The following TENM2 variants were observed in gnomAD, a reference collection of about 807,000 sequenced individuals.
The protein encoded by TENM2 is teneurin-2.
A neutral mutation model predicts 245.2 loss-of-function variants in TENM2; 52 were observed. That is an observed-to-expected ratio of 0.21 (90% confidence interval 0.17 to 0.27). The LOEUF is 0.27. TENM2 is among the 10% of genes least tolerant of loss of function. The pLI, the probability that TENM2 is intolerant of heterozygous loss-of-function variation, is 1.00. For missense variants in TENM2, 3,046 were observed against 3,666.8 expected, an observed-to-expected ratio of 0.83 and a Z score of 4.37; for synonymous variants, 1,363 against 1,438.9, an observed-to-expected ratio of 0.95 and a Z score of 1.19.
intron 2 of TENM2, among the ~76,000 whole-genome samples, chr5:167,796,124 G>A (rs921243005): frequency 6.6e-5 from 10 of 152,154 alleles, no homozygotes; most frequent in African/African-American, 2.4e-4. Flanking sequence ...GGTTGGTTTT[G>A]TCTCCACTGA....
chr5:167,043,621 T>C, the TENM2 span, among the ~76,000 whole-genome samples: 3 of 152,282 alleles, frequency 2.0e-5, no homozygotes, highest in African/African-American at 4.8e-5. Flanking sequence ...AGGAAAGTGG[T>C]GGACGAATTT....
At chr5:168,077,696 C>A (rs928679984) in intron 7 of TENM2, among the ~76,000 whole-genome samples, 2 of 152,038 alleles carry the variant, frequency 1.3e-5, no homozygotes, top group African/African-American at 4.8e-5. Context: ...TCTGTCCTTG[C>A]GATAGTTTGC....
intron 1 of TENM2, among the ~76,000 whole-genome samples, chr5:167,336,200 T>TTC (rs1561871995): frequency 6.8e-6 from 1 of 147,838 alleles, no homozygotes; most frequent in African/African-American, 2.5e-5. Context: ...TTTTTTTTTT[T>TTC]CCGGTCAGGG....
chr5:167,579,753 C>T (rs1014731533), intron 2 of TENM2, among the ~76,000 whole-genome samples: 1 of 152,172 alleles, frequency 6.6e-6, no homozygotes, highest in African/African-American at 2.4e-5. Context: ...AGACAGTTTA[C>T]CTCTCTGCCC....
chr5:167,244,445 A>C, the TENM2 span, among the ~76,000 whole-genome samples: 1 of 152,206 alleles, frequency 6.6e-6, no homozygotes, highest in Non-Finnish European at 1.5e-5. Context: ...ACAATGTGGA[A>C]ATGCAGTTTT....
intron 2 of TENM2, among the ~76,000 whole-genome samples, chr5:167,426,871 C>G (rs1763857035): frequency 6.6e-6 from 1 of 152,020 alleles, no homozygotes; most frequent in African/African-American, 2.4e-5. Context: ...AATTGATCAT[C>G]TCAAACATTA....
At chr5:168,036,910 C>T (rs1467279047) in intron 5 of TENM2, among the ~76,000 whole-genome samples, 1 of 151,820 alleles carries the variant, frequency 6.6e-6, no homozygotes, top group Non-Finnish European at 1.5e-5. Context: ...CTCCCCCACC[C>T]CACCCCAGAT....
chr5:168,180,697 A>G (rs1310972508), intron 13 of TENM2, among the ~76,000 whole-genome samples: 2 of 152,202 alleles, frequency 1.3e-5, no homozygotes, highest in Non-Finnish European at 2.9e-5. Flanking sequence ...GGAGTTCGAG[A>G]CCAGCCTGGC....
chr5:167,122,084 C>T, the TENM2 span, among the ~76,000 whole-genome samples: 1 of 152,034 alleles, frequency 6.6e-6, no homozygotes, highest in Non-Finnish European at 1.5e-5. Flanking sequence ...CAGATTTCTG[C>T]CCGTAGTATT....
chr5:167,190,569 G>T, the TENM2 span, among the ~76,000 whole-genome samples: 1 of 151,984 alleles, frequency 6.6e-6, no homozygotes, highest in African/African-American at 2.4e-5. Flanking sequence ...GATGTAAAAC[G>T]GGTGTCTAAT....
chr5:167,132,708 A>G, the TENM2 span, among the ~76,000 whole-genome samples: 1 of 152,306 alleles, frequency 6.6e-6, no homozygotes, highest in East Asian at 1.9e-4. Context: ...CATGAACATC[A>G]ATTTTACTCA....
chr5:167,817,983 A>G (rs1461401894), intron 2 of TENM2, among the ~76,000 whole-genome samples: 2 of 152,178 alleles, frequency 1.3e-5, no homozygotes, highest in African/African-American at 4.8e-5. Flanking sequence ...GACGGGATGT[A>G]TAGATAAGAA....
chr5:167,366,104 GAA>G (rs11347550), intron 1 of TENM2, among the ~76,000 whole-genome samples: 6 of 151,602 alleles, frequency 4.0e-5, no homozygotes, highest in Non-Finnish European at 7.4e-5. Context: ...TCTTTTGAAA[GAA>G]AAAAAATTTT....
chr5:167,790,646 C>T (rs529736522), intron 2 of TENM2, among the ~76,000 whole-genome samples: 1 of 152,304 alleles, frequency 6.6e-6, no homozygotes, highest in South Asian at 2.1e-4. Context: ...CGCCATCTTG[C>T]ACCATTTCTG....
At chr5:167,469,816 A>G (rs1444302727) in intron 2 of TENM2, among the ~76,000 whole-genome samples, 3 of 152,136 alleles carry the variant, frequency 2.0e-5, no homozygotes, top group Non-Finnish European at 4.4e-5. Flanking sequence ...TGGAGACAGC[A>G]TGGGAGTAGT....
the TENM2 span, among the ~76,000 whole-genome samples, chr5:167,081,658 AT>A: frequency 6.6e-6 from 1 of 152,302 alleles, no homozygotes; most frequent in East Asian, 1.9e-4. Context: ...AGGCCTGCTT[AT>A]TGAGGGCCTA....
At chr5:167,126,543 C>T in the TENM2 span, among the ~76,000 whole-genome samples, 3 of 152,224 alleles carry the variant, frequency 2.0e-5, no homozygotes, top group East Asian at 3.9e-4. Flanking sequence ...TTGTTTATTT[C>T]ACATGGAAGA....
At chr5:167,271,417 T>G in the TENM2 span, among the ~76,000 whole-genome samples, 133,333 of 152,032 alleles carry the variant, frequency 0.88, 59,242 homozygotes, top group East Asian at 0.98. Context: ...AACCATGCTG[T>G]CTTTCTTGAA....
In TENM2 at chr5:167,983,187, A is replaced by G. The variant is rs531395155; in HGVS notation, c.948-9757A>G. Among the ~76,000 whole-genome samples the G allele has an allele frequency of 7.2e-5, 11 of 152,296 alleles. No homozygotes were observed. The East Asian group carries it at 7.7e-4, about 11-fold the overall frequency. ...CCAGAGGGGGAAAAAGAAGAAGAAA[A>G]AAAAAAAAGACTCTTCATCTCATCC... On this transcript the variant is annotated intron_variant, in intron 4 of 28. Transcript: ENST00000518659.
Sources: allele counts gnomAD v4.1 joint callset (sites outside exome capture counted in the v4.1 genomes callset), GRCh38; gene constraint gnomAD v4.1.1; transcripts MANE v1.5; gene names NCBI Gene and HGNC (gene_info 2026-07-23, HGNC 2026-07-21).